The following POLDIP3 variants were observed in gnomAD, a reference collection of about 807,000 sequenced individuals.
POLDIP3 encodes polymerase delta-interacting protein 3.
In POLDIP3, 14 loss-of-function variants were observed where a neutral mutation model predicts 45.1. The ratio of observed to expected loss-of-function variants is 0.31; its 90% confidence interval spans 0.20 to 0.49. The LOEUF (loss-of-function observed/expected upper bound fraction) is 0.49. Among genes scored for constraint, POLDIP3 ranks in the 20% least tolerant of loss-of-function variants. POLDIP3 has a pLI of 0.99. For missense variants in POLDIP3, 511 were observed against 538.8 expected (o/e 0.95, Z 0.51); for synonymous variants, 223 against 205.2 (o/e 1.09, Z -0.74).
chr22:42,584,305 T>G lies in POLDIP3; in HGVS notation c.*1486A>C, dbSNP rs535213980. 1 of 155,446 alleles carries G rather than the reference T, an allele frequency of 6.4e-6. No homozygotes were observed. Among genetic ancestry groups the G allele is most frequent in the Admixed American group, 6.2e-5 (1 of 16,042 alleles). The allele number at this position is 155,446 out of a possible 1,614,324, so 9.6% of individuals were successfully genotyped here. On this transcript the variant is annotated 3_prime_UTR_variant, in exon 9 of 9. Coordinates refer to ENST00000252115, the MANE Select transcript of POLDIP3 (RefSeq NM_032311.5). ...GCACCACCAGGCCCCTTCCTTGGAC[T>G]TTCCCGTCCTGGGCAGCCTCAGAGC...
At position 42,603,163 on chromosome 22, in the gene POLDIP3, G is replaced by A; in HGVS notation, c.60-3C>T. On this transcript the variant is annotated splice_region_variant and splice_polypyrimidine_tract_variant and intron_variant, in intron 1 of 8. Coordinates refer to ENST00000252115, the MANE Select transcript of POLDIP3 (RefSeq NM_032311.5). ...CAACTCCCGGTCTGGCATTAAGCCT[G>A]TAAATATAAATTGCAATCAATATTA... 1 of 1,612,330 alleles carries A rather than the reference G, an allele frequency of 6.2e-7. No homozygotes were observed. Among genetic ancestry groups the A allele is most frequent in the Non-Finnish European group, 8.5e-7 (1 of 1,178,722 alleles).
At chr22:42,588,754 G>A (rs1229483171) in intron 7 of POLDIP3, among the ~76,000 whole-genome samples, 1 of 151,640 alleles carries the variant, frequency 6.6e-6, no homozygotes, top group African/African-American at 2.4e-5. Context: ...TCAGCCTCCG[G>A]AGTAACTGGG....
intron 6 of POLDIP3, among the ~76,000 whole-genome samples, chr22:42,593,586 C>T (rs535783463): frequency 2.6e-5 from 4 of 152,158 alleles, no homozygotes; most frequent in Non-Finnish European, 4.4e-5. Flanking sequence ...GGCGTGACCT[C>T]GGCTCACTGC....
chr22:42,603,241 G>T (rs1926516495), intron 1 of POLDIP3, 81 bp from the exon 2 acceptor site: 1 of 1,457,352 alleles, frequency 6.9e-7, no homozygotes, highest in Admixed American at 2.0e-5. Flanking sequence ...TGGTAACACT[G>T]GGGACAGAGG....
rs1320254786 is a variant in POLDIP3, at chr22:42,601,834, TACTACCAACTGGGA to T, written c.537+122_537+135del. 8.4e-6 allele frequency: 9 copies of T among 1,069,668 alleles called. No individual in the cohort carries two copies. In the African/African-American group the frequency reaches 1.1e-4, roughly 13 times the overall value. 66.3% of individuals were successfully genotyped at this position (1,069,668 alleles called of 1,614,324 possible). ...AAGTTCGCTGTAACCCTGCCTCCAA[TACTACCAACTGGGA>T]ACTACCAACTGAGCAAGCCTCAGTC... On this transcript the variant is annotated intron_variant, in intron 3 of 8. Transcript: ENST00000252115.
chr22:42,585,128 TGGGTGGAGACGACAC>T lies in POLDIP3; in HGVS notation c.*648_*662del. ...AAGGTGAACTCTGGAGAACTTCCTC[TGGGTGGAGACGACAC>T]GGGACTCCAAGCCAAGAGCTTAGAT... On this transcript the variant is annotated 3_prime_UTR_variant, in exon 9 of 9. Coordinates refer to ENST00000252115, the MANE Select transcript of POLDIP3 (RefSeq NM_032311.5). The T allele has an allele frequency of 2.3e-6, 1 of 438,946 alleles. No individual in the cohort carries two copies. Among genetic ancestry groups the T allele is most frequent in the South Asian group, 1.6e-5 (1 of 62,016 alleles). The allele number at this position is 438,946 out of a possible 1,614,324, so 27.2% of individuals were successfully genotyped here. A position where few individuals can be genotyped will look rare whatever the true frequency, so the allele number is the denominator to read the frequency against.
chr22:42,602,999 G>A lies in POLDIP3; in HGVS notation c.221C>T (p.Ala74Val). Residue 74 changes from alanine to valine, a missense_variant, in exon 2 of 9, where the codon GCC becomes GTC. This residue lies in a region of POLDIP3 where 378 missense variants were observed against 352.3 expected (regional missense o/e 1.07). Coordinates refer to ENST00000252115, the MANE Select transcript of POLDIP3 (RefSeq NM_032311.5). ...ATCTTTCTGCAAAAGCTTCTCCCGG[G>A]CATCCTTGACTCCCAGTTTGAGCCG... Reference protein sequence around the residue: ...DARLKLGVKDAREKLLQKDAR... With the variant: ...DARLKLGVKDVREKLLQKDAR... 6.2e-7 allele frequency: 1 copy of A among 1,614,100 alleles called. No individual in the cohort carries two copies. Among genetic ancestry groups the A allele is most frequent in the Non-Finnish European group, 8.5e-7 (1 of 1,180,010 alleles).
At chr22:42,606,220 T>C (rs1209381644) in intron 1 of POLDIP3, among the ~76,000 whole-genome samples, 3 of 151,688 alleles carry the variant, frequency 2.0e-5, no homozygotes, top group African/African-American at 7.3e-5. Flanking sequence ...CACAGACTTT[T>C]TTTTTTTTTT....
chr22:42,613,549 C>T (rs1276687315), intron 1 of POLDIP3, among the ~76,000 whole-genome samples: 1 of 152,154 alleles, frequency 6.6e-6, no homozygotes, highest in Non-Finnish European at 1.5e-5. Context: ...CACCTGAGGT[C>T]AGGAGTTCGA....
At position 42,596,304 on chromosome 22, in the gene POLDIP3, T is replaced by C; in HGVS notation, c.695A>G (p.Gln232Arg). Reference protein sequence around the residue: ...SKALPLTKVVQNDAYTAPALP... With the variant: ...SKALPLTKVVRNDAYTAPALP... ...AGCAGGAGCTGTGTATGCATCATTC[T>C]GAACCACTTTGGTGAGAGGGAGGGC... The change falls in exon 5 of 9, where the codon CAG becomes CGG. Residue 232 changes from glutamine (Q) to arginine (R), a missense_variant. Gln to Arg is a conservative substitution (Grantham distance 43). Transcript: ENST00000252115. 9 of 1,614,162 alleles carry C rather than the reference T, an allele frequency of 5.6e-6. No individual in the cohort carries two copies. Among genetic ancestry groups the C allele is most frequent in the Non-Finnish European group, 7.6e-6 (9 of 1,179,996 alleles).
chr22:42,607,138 T>C (rs1400265870), intron 1 of POLDIP3, among the ~76,000 whole-genome samples: 4 of 151,838 alleles, frequency 2.6e-5, no homozygotes, highest in Non-Finnish European at 5.9e-5. Flanking sequence ...CCTCCCCCTC[T>C]CCCCAGTTTC....
At chr22:42,604,965 G>T (rs1926626942) in intron 1 of POLDIP3, among the ~76,000 whole-genome samples, 1 of 152,176 alleles carries the variant, frequency 6.6e-6, no homozygotes, top group Non-Finnish European at 1.5e-5. Context: ...TTATAAGGAA[G>T]AAGCCCCAGA....
intron 6 of POLDIP3, among the ~76,000 whole-genome samples, chr22:42,594,516 C>A (rs1398459658): frequency 4.6e-5 from 7 of 152,032 alleles, no homozygotes; most frequent in Admixed American, 4.6e-4. Context: ...ATCTCAAAAA[C>A]AAAACAAAAC....
At chr22:42,591,276 G>A (rs1925654765) in intron 7 of POLDIP3, among the ~76,000 whole-genome samples, 1 of 152,140 alleles carries the variant, frequency 6.6e-6, no homozygotes, top group Non-Finnish European at 1.5e-5. Flanking sequence ...ATTAGCCATG[G>A]GGAAATGCAA....
chr22:42,602,011 C>T lies in POLDIP3; in HGVS notation c.496G>A (p.Gly166Arg), dbSNP rs146437791. The T allele has an allele frequency of 1.7e-4, 277 of 1,613,958 alleles. No individual in the cohort carries two copies. Among genetic ancestry groups the T allele is most frequent in the Non-Finnish European group, 2.1e-4 (251 of 1,180,000 alleles). The change falls in exon 3 of 9, where the codon GGA (glycine) becomes AGA (arginine). Residue 166 changes from glycine to arginine, a missense_variant. Coordinates refer to ENST00000252115, the MANE Select transcript of POLDIP3 (RefSeq NM_032311.5). ...TTATTGACAACATTGATTCTCATTC[C>T]GGCAGGATGGGGATGAAGTGGTGCC... The part of the protein sequence containing the change: ...AMAPLHPHPA[G>R]MRINVVNNHQ...
intron 7 of POLDIP3, among the ~76,000 whole-genome samples, chr22:42,588,669 C>A (rs1239050505): frequency 2.0e-5 from 3 of 147,858 alleles, no homozygotes; most frequent in Non-Finnish European, 4.5e-5. Context: ...GCTCTTATTG[C>A]CCAGGCTGGA....
At chr22:42,601,775 A>AT (rs1307317710) in intron 3 of POLDIP3, among the ~76,000 whole-genome samples, 195 bp downstream of exon 3, 1 of 152,108 alleles carries the variant, frequency 6.6e-6, no homozygotes, top group Non-Finnish European at 1.5e-5. Context: ...ATAAAAAAAT[A>AT]AAAAAAATTT....
In POLDIP3 at chr22:42,584,956, C is replaced by G. The variant is rs1182975934; in HGVS notation, c.*835G>C. 6.6e-6 allele frequency: 3 copies of G among 456,196 alleles called. No homozygotes were observed. The highest frequency in any genetic ancestry group is 1.3e-5 in the Non-Finnish European group (3 of 226,980). The allele number at this position is 456,196 out of a possible 1,614,324, so 28.3% of individuals were successfully genotyped here. On this transcript the variant is annotated 3_prime_UTR_variant, in exon 9 of 9. Coordinates refer to ENST00000252115, the MANE Select transcript of POLDIP3 (RefSeq NM_032311.5). Reference sequence around the variant, plus strand: ...TTTCAAAGGCCCAACCAGAAGAGAGCTGGCGGCTACACAAAACCAGGGTGT... The same window carrying G: ...TTTCAAAGGCCCAACCAGAAGAGAGGTGGCGGCTACACAAAACCAGGGTGT...
intron 6 of POLDIP3, among the ~76,000 whole-genome samples, chr22:42,594,739 C>T (rs1157587907): frequency 6.6e-6 from 1 of 152,200 alleles, no homozygotes; most frequent in East Asian, 1.9e-4. Context: ...CGCTCACAGA[C>T]ATTTGACAGG....
Sources: gnomAD v4.1 joint callset for allele counts (sites outside exome capture counted in the v4.1 genomes callset) on GRCh38, gnomAD v4.1.1 for gene constraint, gnomAD v4.1.1 regional missense constraint, MANE v1.5 for transcripts, NCBI Gene and HGNC (gene_info 2026-07-23, HGNC 2026-07-21) for gene names.